OR2L13: variants seen among roughly 807,000 people sequenced by gnomAD.
OR2L13 encodes olfactory receptor family 2 subfamily L member 13.
OR2L13 carries 14 observed loss-of-function variants against 15.3 expected under a neutral mutation model. The ratio of observed to expected loss-of-function variants is 0.91; its 90% CI spans 0.60 to 1.43. OR2L13 has a LOEUF of 1.43. OR2L13 is among the 40% of genes most tolerant of loss of function. The pLI, the probability that OR2L13 is intolerant of heterozygous loss-of-function variation, is 0.00. For synonymous variants in OR2L13, 152 were observed against 142.9 expected (o/e 1.06, Z -0.45); for missense variants, 367 against 387.9 (o/e 0.95, Z 0.45).
the OR2L13 span, among the ~76,000 whole-genome samples, chr1:248,037,011 G>A: frequency 6.6e-6 from 1 of 152,130 alleles, no homozygotes; most frequent in Non-Finnish European, 1.5e-5. Flanking sequence ...AGACATGGAA[G>A]CTAAAATGAA....
chr1:248,050,431 G>A, the OR2L13 span, among the ~76,000 whole-genome samples: 7 of 152,034 alleles, frequency 4.6e-5, no homozygotes, highest in Non-Finnish European at 7.4e-5. Context: ...GGAACATCAT[G>A]GCTGAGGCTG....
chr1:248,070,245 T>A, the OR2L13 span, among the ~76,000 whole-genome samples: 1 of 151,986 alleles, frequency 6.6e-6, no homozygotes, highest in African/African-American at 2.4e-5. Context: ...CCTCAGCAAA[T>A]GTAAAAGAAC....
chr1:248,001,942 G>A, the OR2L13 span, among the ~76,000 whole-genome samples: 1 of 152,058 alleles, frequency 6.6e-6, no homozygotes, highest in Non-Finnish European at 1.5e-5. Flanking sequence ...TGATAGAAAT[G>A]TTTGAAATGT....
At chr1:248,003,325 C>G in the OR2L13 span, 3 of 1,592,530 alleles carry the variant, frequency 1.9e-6, no homozygotes, top group Non-Finnish European at 2.6e-6. Flanking sequence ...TTAGTCAGCT[C>G]TCCCTCATTG....
chr1:247,974,319 C>T, the OR2L13 span, among the ~76,000 whole-genome samples: 30 of 151,720 alleles, frequency 2.0e-4, no homozygotes, highest in African/African-American at 1.7e-4. Flanking sequence ...CTAATGCATG[C>T]GGGGCTTAAA....
At chr1:248,074,475 A>G in the OR2L13 span, among the ~76,000 whole-genome samples, 913 of 152,292 alleles carry the variant, frequency 6.0e-3, 11 homozygotes, top group African/African-American at 0.021. Flanking sequence ...GGCTTCTAGA[A>G]CTGATAAACA....
At chr1:248,037,315 CAAGT>C in the OR2L13 span, among the ~76,000 whole-genome samples, 8 of 152,078 alleles carry the variant, frequency 5.3e-5, no homozygotes, top group Non-Finnish European at 8.8e-5. Context: ...TGCAGTTCTA[CAAGT>C]AAGTCTTAAA....
the OR2L13 span, among the ~76,000 whole-genome samples, chr1:247,961,490 G>A: frequency 1.3e-5 from 2 of 152,182 alleles, no homozygotes; most frequent in Admixed American, 6.5e-5. Context: ...GGTAAAGTAA[G>A]GTGCCCTTTG....
the OR2L13 span, chr1:248,061,643 C>G: frequency 1.3e-6 from 2 of 1,591,286 alleles, no homozygotes; most frequent in Non-Finnish European, 1.7e-6. Flanking sequence ...CCTAAGGTCT[C>G]AGGACTCAGA....
chr1:248,040,845 CAATTGGAAT>C, the OR2L13 span: 1 of 152,018 alleles, frequency 6.6e-6, no homozygotes, highest in Non-Finnish European at 1.5e-5. Flanking sequence ...ATCTGTACTA[CAATTGGAAT>C]AATCATTTTC....
the OR2L13 span, among the ~76,000 whole-genome samples, chr1:247,994,042 C>T: frequency 6.6e-6 from 1 of 152,102 alleles, no homozygotes; most frequent in Non-Finnish European, 1.5e-5. Context: ...TGGCATGGAG[C>T]TTTCCTAGGG....
At chr1:248,039,586 T>A in the OR2L13 span, 1 of 158,038 alleles carries the variant, frequency 6.3e-6, no homozygotes, top group Non-Finnish European at 1.4e-5. Flanking sequence ...ATGCCCTGCC[T>A]GTTTTTTTTT....
At chr1:247,987,513 A>G in the OR2L13 span, among the ~76,000 whole-genome samples, 1 of 152,238 alleles carries the variant, frequency 6.6e-6, no homozygotes, top group East Asian at 1.9e-4. Flanking sequence ...CTTAACCGTG[A>G]TAGAATTTTT....
the OR2L13 span, among the ~76,000 whole-genome samples, chr1:248,060,089 A>G: frequency 6.6e-6 from 1 of 152,164 alleles, no homozygotes; most frequent in African/African-American, 2.4e-5. Flanking sequence ...CATCCTATAA[A>G]GATAATACTA....
the OR2L13 span, among the ~76,000 whole-genome samples, chr1:248,052,779 T>G: frequency 1.3e-5 from 2 of 152,036 alleles, no homozygotes; most frequent in Admixed American, 6.6e-5. Flanking sequence ...TTTGTTCTTT[T>G]TCCAAAAAAG....
the OR2L13 span, among the ~76,000 whole-genome samples, chr1:248,063,568 C>T: frequency 6.6e-6 from 1 of 152,210 alleles, no homozygotes; most frequent in Non-Finnish European, 1.5e-5. Flanking sequence ...GGTCATATTC[C>T]ATGAATACAA....
chr1:248,014,707 T>C, the OR2L13 span, among the ~76,000 whole-genome samples: 1 of 152,244 alleles, frequency 6.6e-6, no homozygotes, highest in Non-Finnish European at 1.5e-5. Context: ...CTGAAACTTG[T>C]AGATTCTCTT....
At chr1:247,988,697 T>C in the OR2L13 span, among the ~76,000 whole-genome samples, 837 of 152,212 alleles carry the variant, frequency 5.5e-3, 10 homozygotes, top group African/African-American at 0.019. Flanking sequence ...CTTTTAGGCA[T>C]TCAGTGCAAA....
the OR2L13 span, among the ~76,000 whole-genome samples, chr1:247,985,983 G>C: frequency 1.3e-5 from 2 of 152,000 alleles, no homozygotes; most frequent in Non-Finnish European, 2.9e-5. Context: ...AAATTAGTTT[G>C]AGTTCATTGT....
Sources: allele counts gnomAD v4.1 joint callset (sites outside exome capture counted in the v4.1 genomes callset), GRCh38; gene constraint gnomAD v4.1.1; transcripts MANE v1.5; gene names NCBI Gene and HGNC (gene_info 2026-07-23, HGNC 2026-07-21).